The following FRMPD1 variants were observed in gnomAD, a reference collection of about 807,000 sequenced individuals.
FRMPD1 encodes the protein FERM and PDZ domain-containing protein 1.
A neutral mutation model predicts 117.8 loss-of-function variants in FRMPD1; 76 were observed. That is an observed-to-expected ratio of 0.65 (90% confidence interval 0.54 to 0.78). The LOEUF (loss-of-function observed/expected upper bound fraction) is 0.78, where lower values mean the gene tolerates loss of function less well. Ranked by LOEUF, FRMPD1 falls within the 30% of genes least tolerant of loss-of-function variation. The pLI, the probability that FRMPD1 is intolerant of heterozygous loss-of-function variation, is 0.00. For synonymous variants in FRMPD1, 783 were observed against 770.4 expected (o/e 1.02, Z -0.27); for missense variants, 1,786 against 1,964.5 (o/e 0.91, Z 1.72).
chr9:37,711,169 G>T (rs183976019), intron 4 of FRMPD1, among the ~76,000 whole-genome samples, 181 bp from the exon 5 acceptor site: 2 of 152,198 alleles, frequency 1.3e-5, no homozygotes, highest in East Asian at 3.9e-4. Context: ...GCAGGTTGCT[G>T]CATTTCCCAA....
chr9:37,688,643 C>T (rs1306446803), intron 1 of FRMPD1, among the ~76,000 whole-genome samples: 4 of 151,970 alleles, frequency 2.6e-5, no homozygotes, highest in African/African-American at 9.7e-5. Context: ...GGAAACATCA[C>T]AAATGTCCAA....
intron 2 of FRMPD1, among the ~76,000 whole-genome samples, chr9:37,699,470 C>T (rs570563444): frequency 7.2e-5 from 11 of 151,916 alleles, no homozygotes; most frequent in African/African-American, 2.7e-4. Flanking sequence ...CAGGCATGCG[C>T]CACCACGCCT....
the FRMPD1 span, among the ~76,000 whole-genome samples, chr9:37,609,596 C>A: frequency 6.6e-6 from 1 of 152,232 alleles, no homozygotes; most frequent in Non-Finnish European, 1.5e-5. Context: ...AAACCACCAT[C>A]CTCTTTCACC....
At chr9:37,734,051 G>A (rs1170696690) in intron 12 of FRMPD1, among the ~76,000 whole-genome samples, 1 of 152,166 alleles carries the variant, frequency 6.6e-6, no homozygotes, top group East Asian at 1.9e-4. Flanking sequence ...TGTGATTTCC[G>A]TCCTTGAAGG....
At chr9:37,609,120 G>A in the FRMPD1 span, among the ~76,000 whole-genome samples, 6 of 151,862 alleles carry the variant, frequency 4.0e-5, no homozygotes, top group African/African-American at 1.2e-4. Context: ...GAGAAACCCC[G>A]TCTCTACTAA....
In FRMPD1 at chr9:37,746,785, A is replaced by G; in HGVS notation, c.*16A>G. ...GGCCCTGTAAACAGGTCAACGGCCC[A>G]AGGGCCTCCTGCCCTGTCCTGCCTT... On this transcript the variant is annotated 3_prime_UTR_variant, in exon 16 of 16. Transcript: ENST00000377765. 6.3e-7 allele frequency: 1 copy of G among 1,583,928 alleles called. No homozygotes were observed. The highest frequency in any genetic ancestry group is 2.2e-5 in the East Asian group (1 of 44,756).
intron 6 of FRMPD1, 44 bp downstream of exon 6, chr9:37,719,220 T>A (rs752491896): frequency 7.4e-6 from 9 of 1,211,728 alleles, no homozygotes; most frequent in Admixed American, 1.7e-5. Context: ...GCTGGCGAGC[T>A]GCCTTCTGGC....
chr9:37,704,508 A>G (rs1475286227), intron 2 of FRMPD1, among the ~76,000 whole-genome samples: 1 of 152,094 alleles, frequency 6.6e-6, no homozygotes, highest in Admixed American at 6.5e-5. Context: ...TAGTGTGCCT[A>G]TTGAAGAAAG....
intron 5 of FRMPD1, among the ~76,000 whole-genome samples, chr9:37,718,580 A>G (rs1005479936): frequency 6.6e-6 from 1 of 152,250 alleles, no homozygotes; most frequent in Non-Finnish European, 1.5e-5. Context: ...AGGGTAAGTC[A>G]TAAGGGTCAG....
Position 37,684,004 on chromosome 9 carries a change from G to A in FRMPD1, c.-4-8634G>A, listed in dbSNP as rs539952548. ...TTTGCGGGGAACAACAGGTAATACA[G>A]TTCTGCAGAGTGTTGTGTGGGGGAG... On this transcript the variant is annotated intron_variant, in intron 1 of 15. Transcript: ENST00000377765. 4.7e-5 allele frequency among the ~76,000 whole-genome samples: 7 copies of A among 149,382 alleles called. No individual in the cohort carries two copies. In the East Asian group the frequency reaches 1.2e-3, roughly 25 times the overall value.
chr9:37,607,188 G>A, the FRMPD1 span, among the ~76,000 whole-genome samples: 1 of 152,046 alleles, frequency 6.6e-6, no homozygotes, highest in East Asian at 1.9e-4. Flanking sequence ...GGTGGCTCGT[G>A]CCTGTAATCC....
chr9:37,715,841 G>A (rs1412029258), intron 5 of FRMPD1, among the ~76,000 whole-genome samples: 1 of 152,130 alleles, frequency 6.6e-6, no homozygotes, highest in Non-Finnish European at 1.5e-5. Context: ...TCATGGTTGG[G>A]TGGTTCCAAA....
chr9:37,716,596 TG>T (rs1444378808), intron 5 of FRMPD1, among the ~76,000 whole-genome samples: 5 of 152,224 alleles, frequency 3.3e-5, no homozygotes, highest in Non-Finnish European at 5.9e-5. Flanking sequence ...GAGACAACAG[TG>T]TTTTCTTCCT....
chr9:37,710,181 A>T (rs1822854973), intron 4 of FRMPD1, among the ~76,000 whole-genome samples: 1 of 152,254 alleles, frequency 6.6e-6, no homozygotes, highest in Admixed American at 6.5e-5. Context: ...ATTGTGATTT[A>T]TCTCAGAAAA....
intron 1 of FRMPD1, among the ~76,000 whole-genome samples, chr9:37,671,988 A>G (rs764362314): frequency 6.6e-6 from 1 of 152,134 alleles, no homozygotes; most frequent in Non-Finnish European, 1.5e-5. Context: ...ACAAAAAACA[A>G]CAAGCAAACA....
rs1284461009 is a variant in FRMPD1, at chr9:37,696,034, C to T, written c.101+3292C>T. The stretch of plus-strand genomic sequence containing the variant: ...TTGTTCCTCTTCTTTCCTTGCTCAC[C>T]GTTCTCCATTGTTTTGCTTTTTTTT... On this transcript the variant is annotated intron_variant, in intron 2 of 15. Transcript: ENST00000377765. Among the ~76,000 whole-genome samples the T allele has an allele frequency of 4.8e-5, 7 of 145,412 alleles. No individual in the cohort carries two copies. The East Asian group carries it at 6.1e-4, about 13-fold the overall frequency.
intron 1 of FRMPD1, chr9:37,670,126 A>C (rs934563107): frequency 2.0e-5 from 3 of 152,228 alleles, no homozygotes; most frequent in African/African-American, 7.2e-5. Flanking sequence ...CTCTAAGCAC[A>C]CTGATAAATT....
At chr9:37,630,283 G>A in the FRMPD1 span, among the ~76,000 whole-genome samples, 1 of 152,288 alleles carries the variant, frequency 6.6e-6, no homozygotes, top group South Asian at 2.1e-4. Flanking sequence ...AGTGCCTTAG[G>A]TCCAATGAAA....
chr9:37,654,716 G>A (rs114549714), intron 1 of FRMPD1, among the ~76,000 whole-genome samples: 2,147 of 152,352 alleles, frequency 0.014, 47 homozygotes, highest in African/African-American at 0.049. Context: ...AAGGCCTGGA[G>A]GCCTGAAGGG....
Sources: gnomAD v4.1 joint callset for allele counts (sites outside exome capture counted in the v4.1 genomes callset) on GRCh38, gnomAD v4.1.1 for gene constraint, MANE v1.5 for transcripts, NCBI Gene and HGNC (gene_info 2026-07-23, HGNC 2026-07-21) for gene names.